The following RALY variants were observed in gnomAD, a reference collection of about 807,000 sequenced individuals.
RALY encodes the protein RALY heterogeneous nuclear ribonucleoprotein.
Under a neutral mutation model 30.7 loss-of-function variants are expected in RALY, and 15 were observed. The observed-to-expected ratio is 0.49, with a 90% CI of 0.33 to 0.75. RALY has a LOEUF of 0.75. Among genes scored for constraint, RALY ranks in the 30% least tolerant of loss-of-function variants. RALY has a pLI of 0.02. For missense variants in RALY, 339 were observed against 414.3 expected, an observed-to-expected ratio of 0.82 and a Z score of 1.58; for synonymous variants, 177 against 170.8, an observed-to-expected ratio of 1.04 and a Z score of -0.28.
At chr20:34,068,984 C>G (rs955345774) in intron 2 of RALY, among the ~76,000 whole-genome samples, 1 of 152,216 alleles carries the variant, frequency 6.6e-6, no homozygotes, top group Non-Finnish European at 1.5e-5. Context: ...AGGTTGGGTA[C>G]CTAGCGCATG....
intron 1 of RALY, among the ~76,000 whole-genome samples, chr20:34,001,622 A>G (rs180877089): frequency 2.0e-4 from 31 of 152,294 alleles, no homozygotes; most frequent in African/African-American, 6.5e-4. Flanking sequence ...CTCTTGATCT[A>G]TTTGTCTAGT....
intron 1 of RALY, among the ~76,000 whole-genome samples, chr20:34,013,713 T>C (rs2031499706): frequency 6.6e-6 from 1 of 152,226 alleles, no homozygotes; most frequent in Non-Finnish European, 1.5e-5. Flanking sequence ...GTAGTTGTAC[T>C]CTAGTGCTGT....
At chr20:34,060,380 A>G (rs912941421) in intron 2 of RALY, among the ~76,000 whole-genome samples, 5 of 152,228 alleles carry the variant, frequency 3.3e-5, no homozygotes, top group Non-Finnish European at 7.3e-5. Flanking sequence ...CAGCCAGTTA[A>G]GTATCTGCAG....
intron 5 of RALY, among the ~76,000 whole-genome samples, chr20:34,074,618 G>A (rs1318455070): frequency 6.6e-6 from 1 of 152,102 alleles, no homozygotes; most frequent in Non-Finnish European, 1.5e-5. Flanking sequence ...TTAGCCTGGG[G>A]GTCAGAAGAT....
intron 8 of RALY, 114 bp from the exon 9 acceptor site, chr20:34,078,391 C>T: frequency 1.1e-6 from 1 of 894,968 alleles, no homozygotes; most frequent in Non-Finnish European, 1.6e-6. Flanking sequence ...CGTCTTCTGA[C>T]TGTGTCCTCT....
intron 1 of RALY, among the ~76,000 whole-genome samples, chr20:34,028,185 C>G (rs1189931933): frequency 1.3e-5 from 2 of 151,674 alleles, no homozygotes; most frequent in African/African-American, 4.8e-5. Context: ...ACTTGAGTGG[C>G]TGAGACAGGA....
intron 1 of RALY, among the ~76,000 whole-genome samples, chr20:34,004,785 G>A (rs952117633): frequency 1.3e-5 from 2 of 152,136 alleles, no homozygotes; most frequent in Non-Finnish European, 2.9e-5. Context: ...GTTGGGGAGG[G>A]AATACTAAAA....
rs3831778 is a variant in RALY at position 34,029,478 on chromosome 20, AAGGGAGGG to A, written c.-92-2017_-92-2010del. Among the ~76,000 whole-genome samples the A allele has an allele frequency of 2.2e-3, 123 of 56,180 alleles. 2 individuals carry two copies. The highest frequency in any genetic ancestry group is 0.011 in the Middle Eastern group (1 of 90). The allele number at this position is 56,180 out of a possible 152,430, so 36.9% of individuals were successfully genotyped here. On this transcript the variant is annotated intron_variant, in intron 1 of 9. Transcript: ENST00000246194. ...GAAGAAAGGAGGGAGGGAGGGAGGA[AAGGGAGGG>A]AGGGAGGGAGGGAGGGAGGGAGGGA...
At chr20:34,000,021 A>G (rs1328875277) in intron 1 of RALY, among the ~76,000 whole-genome samples, 3 of 152,078 alleles carry the variant, frequency 2.0e-5, no homozygotes, top group Non-Finnish European at 4.4e-5. Context: ...GTGAGGGGAT[A>G]TAGTAGGGGT....
chr20:34,043,886 G>A (rs928871856), intron 2 of RALY, among the ~76,000 whole-genome samples: 3 of 152,154 alleles, frequency 2.0e-5, no homozygotes, highest in Non-Finnish European at 2.9e-5. Flanking sequence ...AGGCTAGAGC[G>A]ATAATCACTC....
intron 1 of RALY, among the ~76,000 whole-genome samples, chr20:34,020,565 T>C (rs2031780948): frequency 6.6e-6 from 1 of 152,178 alleles, no homozygotes; most frequent in Non-Finnish European, 1.5e-5. Context: ...CAACAGGTGA[T>C]TGGAGACAGA....
At chr20:34,060,268 C>T (rs923269022) in intron 2 of RALY, among the ~76,000 whole-genome samples, 5 of 152,128 alleles carry the variant, frequency 3.3e-5, no homozygotes, top group African/African-American at 9.7e-5. Flanking sequence ...GTTGAGCATC[C>T]GTAAGTTGAA....
chr20:34,048,311 G>A (rs1326527645), intron 2 of RALY, among the ~76,000 whole-genome samples: 2 of 152,140 alleles, frequency 1.3e-5, no homozygotes, highest in Non-Finnish European at 2.9e-5. Flanking sequence ...TCGTGCTCCT[G>A]GGGGGATGAG....
chr20:34,059,445 A>G (rs927328519), intron 2 of RALY, among the ~76,000 whole-genome samples: 9 of 152,140 alleles, frequency 5.9e-5, no homozygotes, highest in Non-Finnish European at 7.3e-5. Flanking sequence ...ATTCCTGTCT[A>G]TGCTTACGTG....
At chr20:34,040,988 C>T (rs1357596738) in intron 2 of RALY, among the ~76,000 whole-genome samples, 1 of 152,136 alleles carries the variant, frequency 6.6e-6, no homozygotes, top group Non-Finnish European at 1.5e-5. Context: ...TCTTCCATGC[C>T]TTCAGTGTAT....
chr20:34,062,983 G>A (rs916585917), intron 2 of RALY, among the ~76,000 whole-genome samples: 2 of 152,184 alleles, frequency 1.3e-5, no homozygotes, highest in African/African-American at 4.8e-5. Context: ...GGAGGTAGAG[G>A]AAGAAACTGA....
intron 8 of RALY, 75 bp downstream of exon 8, chr20:34,077,320 AG>A: frequency 6.3e-7 from 1 of 1,588,356 alleles, no homozygotes; most frequent in East Asian, 2.3e-5. Context: ...GGGAATGGGC[AG>A]CCTGAGCTGG....
At position 34,065,409 on chromosome 20, in the gene RALY, T is replaced by TGGACCTGTAGCCTGCA. The variant is rs1459359261; in HGVS notation, c.-9-6656_-9-6641dup. ...ACAGCAGAGCCAAGGCCAAGCCTTC[T>TGGACCTGTAGCCTGCA]GGACCTGTAGCCTGCACTGCTTACA... On this transcript the variant is annotated intron_variant, in intron 2 of 9. Coordinates refer to ENST00000246194, the MANE Select transcript of RALY (RefSeq NM_016732.3). Among the ~76,000 whole-genome samples the TGGACCTGTAGCCTGCA allele has an allele frequency of 2.4e-3, 372 of 152,348 alleles. 3 individuals carry two copies. Among genetic ancestry groups the TGGACCTGTAGCCTGCA allele is most frequent in the African/African-American group, 8.4e-3 (351 of 41,582 alleles).
At chr20:34,014,096 AC>A (rs1253891158) in intron 1 of RALY, among the ~76,000 whole-genome samples, 2 of 152,226 alleles carry the variant, frequency 1.3e-5, no homozygotes, top group Non-Finnish European at 1.5e-5. Context: ...CTCAATTTGA[AC>A]AGATTAAGTT....
Sources: allele counts gnomAD v4.1 joint callset (sites outside exome capture counted in the v4.1 genomes callset), GRCh38; gene constraint gnomAD v4.1.1; transcripts MANE v1.5; gene names NCBI Gene and HGNC (gene_info 2026-07-23, HGNC 2026-07-21).